Variants in NAALADL2 observed in about 807,000 individuals in gnomAD.
The protein encoded by NAALADL2 is inactive N-acetylated-alpha-linked acidic dipeptidase-like protein 2.
NAALADL2 carries 76 observed loss-of-function variants against 87.2 expected under a neutral mutation model. The observed-to-expected ratio is 0.87, with a 90% CI of 0.72 to 1.05. NAALADL2 has a LOEUF of 1.05. NAALADL2 is among the 50% of genes least tolerant of loss of function. NAALADL2 has a pLI of 0.00. For missense variants in NAALADL2, 1,089 were observed against 945.8 expected (o/e 1.15, Z -1.99); for synonymous variants, 354 against 331.0 (o/e 1.07, Z -0.75).
At chr3:174,577,089 A>C (rs16862035) in intron 2 of NAALADL2, among the ~76,000 whole-genome samples, 2,985 of 152,230 alleles carry the variant, frequency 0.02, 99 homozygotes, top group African/African-American at 0.067. Flanking sequence ...TTGGTGACTT[A>C]TATTAGCCCA....
intron 1 of NAALADL2, 74 bp downstream of exon 1, chr3:174,859,524 T>G: frequency 8.1e-7 from 1 of 1,241,478 alleles, no homozygotes; most frequent in Middle Eastern, 1.9e-4. Context: ...ACAAAGTCTG[T>G]GTGTTTCTGT....
intron 1 of NAALADL2, among the ~76,000 whole-genome samples, chr3:175,056,064 G>A (rs1330230151): frequency 2.0e-5 from 3 of 152,128 alleles, no homozygotes; most frequent in African/African-American, 7.2e-5. Flanking sequence ...AGAACTGAGA[G>A]TGGTCGCCAA....
intron 3 of NAALADL2, among the ~76,000 whole-genome samples, chr3:174,833,313 G>A (rs1174717895): frequency 1.3e-5 from 2 of 152,100 alleles, no homozygotes; most frequent in Non-Finnish European, 2.9e-5. Context: ...CTCAGATGAA[G>A]TGAACAAATT....
intron 1 of NAALADL2, among the ~76,000 whole-genome samples, chr3:174,969,494 T>C (rs371573577): frequency 3.3e-5 from 5 of 152,230 alleles, no homozygotes; most frequent in African/African-American, 9.6e-5. Flanking sequence ...AATAATTTTG[T>C]GAATTAATTC....
intron 2 of NAALADL2, among the ~76,000 whole-genome samples, chr3:175,221,712 A>G (rs557235285): frequency 1.3e-3 from 204 of 152,092 alleles, no homozygotes; most frequent in African/African-American, 4.6e-3. Context: ...GTAGATATTC[A>G]GTGGTTATTT....
chr3:175,307,752 A>G (rs1485110089), intron 4 of NAALADL2, among the ~76,000 whole-genome samples: 1 of 152,202 alleles, frequency 6.6e-6, no homozygotes, highest in Non-Finnish European at 1.5e-5. Context: ...ATCTAGCAAC[A>G]AAGTATGTAC....
At chr3:174,813,533 G>A (rs1009851688) in intron 3 of NAALADL2, among the ~76,000 whole-genome samples, 2 of 152,210 alleles carry the variant, frequency 1.3e-5, no homozygotes, top group African/African-American at 2.4e-5. Context: ...TAGGTAGTTA[G>A]TAAGCTATAC....
chr3:175,070,929 C>T (rs887395612), intron 1 of NAALADL2, among the ~76,000 whole-genome samples: 1 of 152,002 alleles, frequency 6.6e-6, no homozygotes, highest in Non-Finnish European at 1.5e-5. Context: ...TGACCTATTG[C>T]TCTAGACCCT....
intron 9 of NAALADL2, among the ~76,000 whole-genome samples, chr3:175,489,577 C>G (rs1358018211): frequency 2.6e-5 from 4 of 152,142 alleles, no homozygotes; most frequent in Admixed American, 2.6e-4. Context: ...GATCTGAAAC[C>G]AACAGATGTC....
intron 4 of NAALADL2, among the ~76,000 whole-genome samples, chr3:175,284,086 T>C (rs1386701548): frequency 1.3e-5 from 2 of 151,876 alleles, no homozygotes; most frequent in Non-Finnish European, 2.9e-5. Context: ...ACAATATTAG[T>C]GTAGTTTGAA....
chr3:174,875,903 A>C (rs1728445180), intron 1 of NAALADL2, among the ~76,000 whole-genome samples: 2 of 152,092 alleles, frequency 1.3e-5, no homozygotes, highest in African/African-American at 4.8e-5. Context: ...AAATACCTCA[A>C]TCATGCTTAT....
At chr3:175,504,563 GTTTCTCTCTC>G (rs1207765726) in intron 9 of NAALADL2, among the ~76,000 whole-genome samples, 10 of 59,672 alleles carry the variant, frequency 1.7e-4, no homozygotes, top group Non-Finnish European at 3.7e-4. Flanking sequence ...GTCTCTCTCT[GTTTCTCTCTC>G]TCTCTCTCTC....
At chr3:175,691,084 G>T (rs1736972890) in intron 11 of NAALADL2, among the ~76,000 whole-genome samples, 1 of 151,318 alleles carries the variant, frequency 6.6e-6, no homozygotes, top group Non-Finnish European at 1.5e-5. Context: ...AATATCAACT[G>T]AAAAAATATT....
At chr3:175,228,713 G>A (rs190742967) in intron 2 of NAALADL2, among the ~76,000 whole-genome samples, 43 of 151,954 alleles carry the variant, frequency 2.8e-4, no homozygotes, top group African/African-American at 1.0e-3. Context: ...TTTAGTATAA[G>A]AAAAGTTTGT....
intron 1 of NAALADL2, among the ~76,000 whole-genome samples, chr3:174,457,806 G>A (rs980154981): frequency 1.4e-5 from 2 of 146,520 alleles, no homozygotes; most frequent in African/African-American, 2.6e-5. Flanking sequence ...GTGAGACTCC[G>A]TCTCAAAAAA....
At chr3:175,152,425 A>G (rs1215868186) in intron 2 of NAALADL2, among the ~76,000 whole-genome samples, 3 of 152,136 alleles carry the variant, frequency 2.0e-5, no homozygotes, top group Admixed American at 6.6e-5. Context: ...AAAAATTAGG[A>G]CTATGATACT....
At chr3:174,919,654 TC>T (rs1181619592) in intron 1 of NAALADL2, among the ~76,000 whole-genome samples, 3 of 152,180 alleles carry the variant, frequency 2.0e-5, no homozygotes, top group Admixed American at 6.5e-5. Flanking sequence ...TCTTTCAAAC[TC>T]CAATTGATGT....
intron 2 of NAALADL2, among the ~76,000 whole-genome samples, chr3:174,674,778 C>G (rs1726892266): frequency 6.6e-6 from 1 of 151,890 alleles, no homozygotes; most frequent in Non-Finnish European, 1.5e-5. Context: ...TTCTGACTTT[C>G]TCTTCTCATC....
chr3:175,084,164 T>G (rs1294173562), intron 1 of NAALADL2, among the ~76,000 whole-genome samples: 1 of 152,108 alleles, frequency 6.6e-6, no homozygotes, highest in East Asian at 1.9e-4. Flanking sequence ...ATAGCTTGAG[T>G]GGTGGTCTGG....
Sources: gnomAD v4.1 joint callset for allele counts (sites outside exome capture counted in the v4.1 genomes callset) on GRCh38, gnomAD v4.1.1 for gene constraint, MANE v1.5 for transcripts, NCBI Gene and HGNC (gene_info 2026-07-23, HGNC 2026-07-21) for gene names.